Variants in CPT1A observed in about 807,000 individuals in gnomAD.
CPT1A encodes carnitine palmitoyltransferase 1A, also known as carnitine O-palmitoyltransferase 1, liver isoform.
A neutral mutation model predicts 100.8 loss-of-function variants in CPT1A; 64 were observed. The observed-to-expected ratio is 0.63, with a 90% CI of 0.52 to 0.78. The LOEUF is 0.78. Ranked by LOEUF, CPT1A falls within the 30% of genes least tolerant of loss-of-function variation. The pLI is 0.00. For synonymous variants in CPT1A, 363 were observed against 396.0 expected (o/e 0.92, Z 0.99); for missense variants, 802 against 1,034.1 (o/e 0.78, Z 3.08).
At chr11:68,833,020 C>T (rs1168131125) in intron 1 of CPT1A, among the ~76,000 whole-genome samples, 1 of 152,204 alleles carries the variant, frequency 6.6e-6, no homozygotes, top group Admixed American at 6.5e-5. Flanking sequence ...TTCTTGGATG[C>T]CCGGGTGACC....
At position 68,762,684 on chromosome 11, in the gene CPT1A, G is replaced by T; in HGVS notation, c.1818C>A (p.Arg606=). 1 of 1,614,050 alleles carries T rather than the reference G, an allele frequency of 6.2e-7. No homozygotes were observed. The highest frequency in any genetic ancestry group is 1.7e-5 in the Admixed American group (1 of 60,024). ...AGTCGCATGACTCAGTGGTGCAGGAGCGCACGGTCTCCGTCCTCCCCTCTC... is the reference window on the plus strand; with the variant it reads ...AGTCGCATGACTCAGTGGTGCAGGATCGCACGGTCTCCGTCCTCCCCTCTC... ...LFREGRTETV[R]SCTTESCDFV... Residue 606 remains arginine, a synonymous_variant, in exon 15 of 19, where the codon CGC becomes CGA. Coordinates refer to ENST00000265641, the MANE Select transcript of CPT1A (RefSeq NM_001876.4).
intron 1 of CPT1A, among the ~76,000 whole-genome samples, chr11:68,822,519 G>A (rs1432628364): frequency 6.6e-6 from 1 of 151,238 alleles, no homozygotes; most frequent in African/African-American, 2.4e-5. Flanking sequence ...GGCAACAGGG[G>A]AGATCCTGTC....
intron 14 of CPT1A, among the ~76,000 whole-genome samples, chr11:68,767,256 C>A (rs1018368640): frequency 6.6e-6 from 1 of 152,206 alleles, no homozygotes; most frequent in African/African-American, 2.4e-5. Flanking sequence ...GTAAGAAACA[C>A]CTGACTTTCA....
At chr11:68,814,040 CG>C (rs1452206365) in intron 2 of CPT1A, among the ~76,000 whole-genome samples, 2 of 151,900 alleles carry the variant, frequency 1.3e-5, no homozygotes, top group Non-Finnish European at 2.9e-5. Flanking sequence ...GAAGGAGCAC[CG>C]GGAAGTGCAC....
chr11:68,785,094 A>G, intron 9 of CPT1A, 84 bp from the exon 10 acceptor site: 3 of 1,147,526 alleles, frequency 2.6e-6, no homozygotes, highest in Non-Finnish European at 3.9e-6. Flanking sequence ...GACTCTGCAA[A>G]GGGCATGGGA....
intron 1 of CPT1A, among the ~76,000 whole-genome samples, chr11:68,816,577 G>A (rs1239436202): frequency 6.6e-6 from 1 of 152,086 alleles, no homozygotes; most frequent in Admixed American, 6.6e-5. Context: ...TGGCACAGCC[G>A]CTCAGCACAA....
intron 1 of CPT1A, among the ~76,000 whole-genome samples, chr11:68,824,998 C>T (rs1253538364): frequency 2.6e-5 from 4 of 152,054 alleles, no homozygotes; most frequent in East Asian, 3.9e-4. Context: ...CAGATTACAC[C>T]GTGTTGGCCA....
At chr11:68,779,476 A>G (rs1433758151) in intron 12 of CPT1A, among the ~76,000 whole-genome samples, 1 of 145,204 alleles carries the variant, frequency 6.9e-6, no homozygotes, top group African/African-American at 2.5e-5. Flanking sequence ...CAAACAGTTC[A>G]GAGTAACGAA....
At chr11:68,839,450 C>T (rs1324271390) in intron 1 of CPT1A, 2 of 953,738 alleles carry the variant, frequency 2.1e-6, no homozygotes, top group Non-Finnish European at 1.2e-6. Context: ...GTCCCAGGCG[C>T]TCGGATCCTG....
intron 14 of CPT1A, among the ~76,000 whole-genome samples, chr11:68,768,061 CCAG>C (rs1854864308): frequency 8.1e-6 from 1 of 123,980 alleles, no homozygotes; most frequent in Non-Finnish European, 1.6e-5. Flanking sequence ...TTTCTAGTTT[CCAG>C]TCTTTTTTTT....
chr11:68,761,655 C>A lies in CPT1A; in HGVS notation c.1908G>T (p.Ala636=). ...VEQRLKLFKL[A]SEKHQHMYRL... ...GATACATATGCTGATGCTTCTCAGA[C>A]GCCAACTTGAACAACTTCAGCCTCT... The change falls in exon 16 of 19, where the codon GCG becomes GCT. Residue 636 remains alanine (A), a synonymous_variant. Coordinates refer to ENST00000265641, the MANE Select transcript of CPT1A (RefSeq NM_001876.4). 6.2e-7 allele frequency: 1 copy of A among 1,614,158 alleles called. No individual in the cohort carries two copies. Among genetic ancestry groups the A allele is most frequent in the Non-Finnish European group, 8.5e-7 (1 of 1,180,030 alleles).
chr11:68,804,592 A>T (rs1855994445), intron 4 of CPT1A, among the ~76,000 whole-genome samples: 1 of 152,214 alleles, frequency 6.6e-6, no homozygotes, highest in Non-Finnish European at 1.5e-5. Context: ...TATGTCAAAA[A>T]GCAAAACAAA....
chr11:68,801,403 G>A (rs927612151), intron 5 of CPT1A, among the ~76,000 whole-genome samples: 16 of 152,060 alleles, frequency 1.1e-4, no homozygotes, highest in African/African-American at 3.1e-4. Flanking sequence ...GCCAAGGTGG[G>A]CAGATCACTT....
intron 16 of CPT1A, among the ~76,000 whole-genome samples, chr11:68,761,010 G>C (rs916755842): frequency 6.6e-6 from 1 of 151,740 alleles, no homozygotes; most frequent in African/African-American, 2.4e-5. Context: ...GACAGAGCGA[G>C]ACTCCATCTC....
intron 1 of CPT1A, among the ~76,000 whole-genome samples, chr11:68,830,625 T>C (rs1856852266): frequency 6.6e-6 from 1 of 152,224 alleles, no homozygotes. Flanking sequence ...TGGTTGTTCC[T>C]ACCACCTTCC....
At chr11:68,813,691 T>C (rs2154001243) in intron 2 of CPT1A, among the ~76,000 whole-genome samples, 1 of 106,392 alleles carries the variant, frequency 9.4e-6, no homozygotes, top group African/African-American at 3.0e-5. Context: ...AGCAAGACCC[T>C]GTCTCAAAAA....
intron 14 of CPT1A, among the ~76,000 whole-genome samples, chr11:68,768,066 CT>C (rs71043448): frequency 3.6e-4 from 26 of 71,242 alleles, no homozygotes; most frequent in Non-Finnish European, 5.7e-4. Flanking sequence ...AGTTTCCAGT[CT>C]TTTTTTTTTT....
rs768943458 is a variant in CPT1A at position 68,784,807 on chromosome 11, C to G, written c.1163+8G>C. 2 of 1,606,450 alleles carry G rather than the reference C, an allele frequency of 1.2e-6. No homozygotes were observed. Among genetic ancestry groups the G allele is most frequent in the South Asian group, 1.1e-5 (1 of 91,072 alleles). ...CCCAAAACAGGACAAGGGACCTAGG[C>G]TGCGCACCTGTCTCCTGCGGTGAGG... On this transcript the variant is annotated splice_region_variant and intron_variant, in intron 10 of 18. Coordinates refer to ENST00000265641, the MANE Select transcript of CPT1A (RefSeq NM_001876.4).
chr11:68,804,819 C>T (rs546830478), intron 4 of CPT1A, among the ~76,000 whole-genome samples: 9 of 152,300 alleles, frequency 5.9e-5, no homozygotes, highest in Middle Eastern at 3.4e-3. Flanking sequence ...TGAGCCAAGC[C>T]GAGGGGAAGC....
Sources: allele counts gnomAD v4.1 joint callset (sites outside exome capture counted in the v4.1 genomes callset), GRCh38; gene constraint gnomAD v4.1.1; transcripts MANE v1.5; gene names NCBI Gene and HGNC (gene_info 2026-07-23, HGNC 2026-07-21).